The following POMK variants were observed in gnomAD, a reference collection of about 807,000 sequenced individuals.
The protein encoded by POMK is protein O-mannose kinase.
POMK carries 19 observed loss-of-function variants against 23.0 expected under a neutral mutation model. The ratio of observed to expected loss-of-function variants is 0.83; its 90% CI spans 0.58 to 1.21. POMK has a LOEUF of 1.21. POMK is among the 50% of genes most tolerant of loss of function. POMK has a pLI of 0.00. For synonymous variants in POMK, 173 were observed against 171.6 expected, an observed-to-expected ratio of 1.01 and a Z score of -0.06; for missense variants, 410 against 431.3, an observed-to-expected ratio of 0.95 and a Z score of 0.44.
At chr8:43,094,668 G>A (rs57928913) in intron 1 of POMK, among the ~76,000 whole-genome samples, 2,044 of 152,264 alleles carry the variant, frequency 0.013, 42 homozygotes, top group African/African-American at 0.048. Flanking sequence ...ACTCTAAACT[G>A]TATTGGATGA....
Position 43,108,188 on chromosome 8 carries a change from T to TA in POMK, c.282+4359dup, listed in dbSNP as rs1811582520. On this transcript the variant is annotated intron_variant, in intron 4 of 4. Coordinates refer to ENST00000331373, the MANE Select transcript of POMK (RefSeq NM_032237.5). ...CTGTCAGAAAGTGACATTCTATACTTACCATGGGTCAGGAACCCTGTACAG... is the reference window on the plus strand; with the variant it reads ...CTGTCAGAAAGTGACATTCTATACTTAACCATGGGTCAGGAACCCTGTACAG... 2.0e-5 allele frequency among the ~76,000 whole-genome samples: 3 copies of TA among 152,180 alleles called. No homozygotes were observed. The South Asian group carries it at 6.2e-4, about 31-fold the overall frequency.
chr8:43,110,287 G>A (rs911904329), intron 4 of POMK, among the ~76,000 whole-genome samples: 3 of 152,158 alleles, frequency 2.0e-5, no homozygotes, highest in Non-Finnish European at 4.4e-5. Flanking sequence ...TTTCAATTAC[G>A]TACCAGGAGT....
At chr8:43,102,342 C>T (rs909037747) in intron 2 of POMK, among the ~76,000 whole-genome samples, 163 bp from the exon 3 acceptor site, 1 of 152,188 alleles carries the variant, frequency 6.6e-6, no homozygotes, top group East Asian at 1.9e-4. Flanking sequence ...GATGGGCTTC[C>T]CCACGGCCCT....
chr8:43,104,168 G>A (rs1811503290), intron 4 of POMK, among the ~76,000 whole-genome samples: 1 of 151,856 alleles, frequency 6.6e-6, no homozygotes, highest in African/African-American at 2.4e-5. Context: ...TGTCACCCAG[G>A]CTGGAGTGCA....
intron 4 of POMK, among the ~76,000 whole-genome samples, chr8:43,111,364 A>G (rs1811658273): frequency 6.6e-6 from 1 of 152,190 alleles, no homozygotes; most frequent in African/African-American, 2.4e-5. Flanking sequence ...GGCCGCAGCG[A>G]GGCTGGGGGA....
chr8:43,094,886 A>G (rs907168106), intron 1 of POMK, among the ~76,000 whole-genome samples: 1 of 152,124 alleles, frequency 6.6e-6, no homozygotes, highest in Non-Finnish European at 1.5e-5. Flanking sequence ...CTGCCCCACC[A>G]TCTTTATTCC....
chr8:43,104,602 A>C (rs1346521389), intron 4 of POMK, among the ~76,000 whole-genome samples: 1 of 152,172 alleles, frequency 6.6e-6, no homozygotes, highest in African/African-American at 2.4e-5. Flanking sequence ...ACAAGATATA[A>C]AATTGTATAA....
chr8:43,108,005 G>A (rs572931644), intron 4 of POMK, among the ~76,000 whole-genome samples: 21 of 152,244 alleles, frequency 1.4e-4, no homozygotes, highest in Non-Finnish European at 4.4e-5. Flanking sequence ...TTTTACATAG[G>A]CTTTTTAAAT....
chr8:43,104,216 G>C (rs1811504279), intron 4 of POMK, among the ~76,000 whole-genome samples: 1 of 151,822 alleles, frequency 6.6e-6, no homozygotes, highest in African/African-American at 2.4e-5. Flanking sequence ...TCCACCTCCT[G>C]GGTTCAAGTG....
At position 43,110,015 on chromosome 8, in the gene POMK, T is replaced by C. The variant is rs547040681; in HGVS notation, c.282+6185T>C. ...CCAATATGTTCACACACAGAATCTC[T>C]TACAATTAAGTTTTTATAACCCTTT... On this transcript the variant is annotated intron_variant, in intron 4 of 4. Transcript: ENST00000331373. Among the ~76,000 whole-genome samples, 6 of 152,378 alleles carry C rather than the reference T, an allele frequency of 3.9e-5. No individual in the cohort carries two copies. In the East Asian group the frequency reaches 1.2e-3, roughly 29 times the overall value.
chr8:43,113,037 T>C (rs913614012), intron 4 of POMK, among the ~76,000 whole-genome samples: 14 of 152,184 alleles, frequency 9.2e-5, no homozygotes, highest in African/African-American at 2.9e-4. Flanking sequence ...AACATCATAA[T>C]CACAGGATCA....
chr8:43,094,418 ACT>A (rs1194108360), intron 1 of POMK, among the ~76,000 whole-genome samples: 2 of 151,952 alleles, frequency 1.3e-5, no homozygotes, highest in Non-Finnish European at 2.9e-5. Flanking sequence ...AGGACCGAGG[ACT>A]CTGTCTCAGC....
chr8:43,119,898 C>T (rs1379609633), intron 4 of POMK, among the ~76,000 whole-genome samples: 1 of 150,428 alleles, frequency 6.6e-6, no homozygotes, highest in Non-Finnish European at 1.5e-5. Flanking sequence ...TCTTCATGGT[C>T]CTTGGGTCTA....
At chr8:43,103,912 C>A in intron 4 of POMK, 82 bp downstream of exon 4, 3 of 1,368,694 alleles carry the variant, frequency 2.2e-6, no homozygotes, top group South Asian at 2.6e-5. Flanking sequence ...CATGCTGGCA[C>A]GGATTACGGA....
intron 4 of POMK, among the ~76,000 whole-genome samples, chr8:43,115,270 T>C (rs931487480): frequency 6.6e-6 from 1 of 152,174 alleles, no homozygotes; most frequent in African/African-American, 2.4e-5. Context: ...TCTTCTGTGC[T>C]TGTACCCCGC....
chr8:43,107,837 T>C (rs981604019), intron 4 of POMK, among the ~76,000 whole-genome samples: 1 of 152,160 alleles, frequency 6.6e-6, no homozygotes, highest in Admixed American at 6.5e-5. Context: ...CACGTCGCCA[T>C]GCCTGGCTGA....
At chr8:43,104,259 A>T (rs1444113231) in intron 4 of POMK, among the ~76,000 whole-genome samples, 2 of 151,786 alleles carry the variant, frequency 1.3e-5, no homozygotes, top group Non-Finnish European at 2.9e-5. Flanking sequence ...AGTAGCTGGG[A>T]CTATGGGCAT....
chr8:43,107,534 C>G (rs1166020681), intron 4 of POMK, among the ~76,000 whole-genome samples: 1 of 151,432 alleles, frequency 6.6e-6, no homozygotes, highest in Non-Finnish European at 1.5e-5. Flanking sequence ...GCCACCACAC[C>G]TGGCTAATTT....
intron 4 of POMK, among the ~76,000 whole-genome samples, chr8:43,105,610 A>G (rs965621708): frequency 1.3e-5 from 2 of 152,154 alleles, no homozygotes; most frequent in Admixed American, 1.3e-4. Context: ...TTGATTCCAT[A>G]TCTTGGCTAT....
Sources: gnomAD v4.1 joint callset for allele counts (sites outside exome capture counted in the v4.1 genomes callset) on GRCh38, gnomAD v4.1.1 for gene constraint, MANE v1.5 for transcripts, NCBI Gene and HGNC (gene_info 2026-07-23, HGNC 2026-07-21) for gene names.